The following ANXA8 variants were observed in gnomAD, a reference collection of about 807,000 sequenced individuals.
The protein encoded by ANXA8 is VAC-beta.
Under a neutral mutation model 26.8 loss-of-function variants are expected in ANXA8, and 9 were observed. That is an observed-to-expected ratio of 0.34 (90% CI 0.20 to 0.59). The LOEUF (loss-of-function observed/expected upper bound fraction) is 0.59, where lower values mean the gene tolerates loss of function less well. Among genes scored for constraint, ANXA8 ranks in the 20% least tolerant of loss-of-function variants. ANXA8 has a pLI of 0.84. For synonymous variants in ANXA8, 39 were observed against 94.8 expected, an observed-to-expected ratio of 0.41 and a Z score of 3.42; for missense variants, 83 against 238.5, an observed-to-expected ratio of 0.35 and a Z score of 4.29.
chr10:47,962,623 TACAC>T, the ANXA8 span, among the ~76,000 whole-genome samples: 1 of 79,550 alleles, frequency 1.3e-5, no homozygotes, highest in Non-Finnish European at 3.0e-5. Flanking sequence ...CTCACACACT[TACAC>T]ACACACACTC....
chr10:47,515,915 A>T, the ANXA8 span, among the ~76,000 whole-genome samples: 26 of 117,314 alleles, frequency 2.2e-4, 5 homozygotes, highest in African/African-American at 8.5e-4. Flanking sequence ...ACCACCACAC[A>T]TTGGAGGGAA....
chr10:47,703,630 A>C, the ANXA8 span, among the ~76,000 whole-genome samples: 275 of 148,900 alleles, frequency 1.8e-3, no homozygotes, highest in African/African-American at 4.8e-3. Flanking sequence ...AGATCACAAT[A>C]ATAAATACTG....
At chr10:47,501,779 ATT>A in the ANXA8 span, 1 of 435,758 alleles carries the variant, frequency 2.3e-6, no homozygotes, top group African/African-American at 2.1e-5. Context: ...CATTTATGAA[ATT>A]TTTTTTCAAA....
chr10:47,705,853 T>G, the ANXA8 span, among the ~76,000 whole-genome samples: 1 of 151,596 alleles, frequency 6.6e-6, no homozygotes, highest in Admixed American at 6.6e-5. Flanking sequence ...CAGTCGTGAC[T>G]TTTCTGGGGG....
chr10:47,548,702 G>A, the ANXA8 span, among the ~76,000 whole-genome samples: 2 of 149,978 alleles, frequency 1.3e-5, no homozygotes, highest in African/African-American at 4.9e-5. Flanking sequence ...CACACGCTGA[G>A]TACTATCTAA....
chr10:47,951,744 G>A, the ANXA8 span, among the ~76,000 whole-genome samples: 1 of 147,624 alleles, frequency 6.8e-6, no homozygotes, highest in Non-Finnish European at 1.5e-5. Context: ...CTGGGAGGTG[G>A]AGGTTGCAGT....
the ANXA8 span, among the ~76,000 whole-genome samples, chr10:47,584,996 G>A: frequency 6.8e-6 from 1 of 147,896 alleles, no homozygotes; most frequent in East Asian, 1.9e-4. Context: ...GCTGAGGTAG[G>A]AGAATTGCTT....
the ANXA8 span, among the ~76,000 whole-genome samples, chr10:47,514,246 T>C: frequency 6.7e-6 from 1 of 149,546 alleles, no homozygotes; most frequent in Non-Finnish European, 1.5e-5. Context: ...GTGATATACA[T>C]ACATATTATA....
At chr10:47,647,076 T>A in the ANXA8 span, among the ~76,000 whole-genome samples, 3 of 152,252 alleles carry the variant, frequency 2.0e-5, no homozygotes. Flanking sequence ...TGTGCTCCTA[T>A]GAGGAGTTCC....
the ANXA8 span, among the ~76,000 whole-genome samples, chr10:47,666,645 G>T: frequency 6.6e-6 from 1 of 151,932 alleles, no homozygotes; most frequent in African/African-American, 2.4e-5. Flanking sequence ...GGTCAGGTTT[G>T]TTTGGGCTTT....
At chr10:47,546,252 A>G in the ANXA8 span, among the ~76,000 whole-genome samples, 1 of 139,002 alleles carries the variant, frequency 7.2e-6, no homozygotes, top group African/African-American at 2.6e-5. Context: ...GAAGTATACA[A>G]TGGAAACCTC....
chr10:47,551,574 A>G, the ANXA8 span, among the ~76,000 whole-genome samples: 1 of 152,004 alleles, frequency 6.6e-6, no homozygotes, highest in Non-Finnish European at 1.5e-5. Flanking sequence ...GCTGGAGGCA[A>G]GGCAGCTTCT....
the ANXA8 span, among the ~76,000 whole-genome samples, chr10:47,756,694 T>A: frequency 6.6e-6 from 1 of 152,308 alleles, no homozygotes; most frequent in African/African-American, 2.4e-5. Context: ...ACCACCTCAC[T>A]GGGATGGGTG....
chr10:47,772,585 A>G, the ANXA8 span, among the ~76,000 whole-genome samples: 4 of 152,066 alleles, frequency 2.6e-5, no homozygotes, highest in Non-Finnish European at 5.9e-5. Context: ...TTCAATTCCA[A>G]TTTTACAGAT....
the ANXA8 span, among the ~76,000 whole-genome samples, chr10:47,958,794 G>C: frequency 6.7e-6 from 1 of 149,202 alleles, no homozygotes; most frequent in Non-Finnish European, 1.5e-5. Flanking sequence ...ATGAGTGTTA[G>C]CAGGAGAAAT....
chr10:47,709,458 A>AT, the ANXA8 span, among the ~76,000 whole-genome samples: 1 of 150,912 alleles, frequency 6.6e-6, no homozygotes, highest in Non-Finnish European at 1.5e-5. Flanking sequence ...CTGTACATTT[A>AT]AAATATATGC....
the ANXA8 span, among the ~76,000 whole-genome samples, chr10:47,955,371 G>A: frequency 9.6e-4 from 144 of 150,104 alleles, 3 homozygotes; most frequent in African/African-American, 3.3e-3. Flanking sequence ...ACAGTGATGC[G>A]TTCTCAGAAA....
the ANXA8 span, among the ~76,000 whole-genome samples, chr10:47,554,580 C>T: frequency 2.0e-5 from 3 of 150,872 alleles, no homozygotes; most frequent in African/African-American, 7.3e-5. Context: ...ACAGAGACTA[C>T]ATTGTCAGAG....
the ANXA8 span, among the ~76,000 whole-genome samples, chr10:47,596,761 C>T: frequency 6.8e-6 from 1 of 147,816 alleles, no homozygotes; most frequent in Non-Finnish European, 1.5e-5. Flanking sequence ...CAATGAATTA[C>T]AGAATGAATT....
Sources: allele counts gnomAD v4.1 joint callset (sites outside exome capture counted in the v4.1 genomes callset), GRCh38; gene constraint gnomAD v4.1.1; transcripts MANE v1.5; gene names NCBI Gene and HGNC (gene_info 2026-07-23, HGNC 2026-07-21).